The following R3HDM1 variants were observed in gnomAD, a reference collection of about 807,000 sequenced individuals.
R3HDM1 encodes the protein R3H domain containing 1, also known as R3H domain-containing protein 1.
Under a neutral mutation model 141.1 loss-of-function variants are expected in R3HDM1, and 46 were observed. That is an observed-to-expected ratio of 0.33 (90% CI 0.26 to 0.42). The LOEUF (loss-of-function observed/expected upper bound fraction) is 0.42, where lower values mean the gene tolerates loss of function less well. Ranked by LOEUF, R3HDM1 falls within the 10% of genes least tolerant of loss-of-function variation. The pLI is 1.00. For synonymous variants in R3HDM1, 435 were observed against 472.9 expected, an observed-to-expected ratio of 0.92 and a Z score of 1.04; for missense variants, 1,184 against 1,368.3, an observed-to-expected ratio of 0.87 and a Z score of 2.12.
rs534165564 is a variant in R3HDM1, at chr2:135,652,346, G to T, written c.2028+314G>T. On this transcript the variant is annotated intron_variant, in intron 18 of 26. Coordinates refer to ENST00000683871, the MANE Select transcript of R3HDM1 (RefSeq NM_001378107.1). The stretch of plus-strand genomic sequence containing the variant: ...ATCCACTGTAAAAGTAAAATGGTAA[G>T]ACTGGGCACAGTGGCTCACGCCTGT... 4.6e-5 allele frequency among the ~76,000 whole-genome samples: 7 copies of T among 152,294 alleles called. No individual in the cohort carries two copies. The East Asian group carries it at 1.4e-3, about 29-fold the overall frequency.
At chr2:135,680,705 G>A (rs1268039454) in intron 21 of R3HDM1, among the ~76,000 whole-genome samples, 2 of 152,226 alleles carry the variant, frequency 1.3e-5, no homozygotes, top group African/African-American at 2.4e-5. Context: ...GGGAGGCAGA[G>A]GTTGTAGTGA....
chr2:135,724,389 C>T lies in R3HDM1; in HGVS notation c.*97C>T. 1 of 926,692 alleles carries T rather than the reference C, an allele frequency of 1.1e-6. No individual in the cohort carries two copies. Among genetic ancestry groups the T allele is most frequent in the East Asian group, 2.7e-5 (1 of 37,702 alleles). The allele number at this position is 926,692 out of a possible 1,614,324, so 57.4% of individuals were successfully genotyped here. A position where few individuals can be genotyped will look rare whatever the true frequency, so the allele number is the denominator to read the frequency against. ...AGCTTCTGTTAACATTATAGAGACT[C>T]CTAGGATGTGTGTTCATGGCATTAT... On this transcript the variant is annotated 3_prime_UTR_variant, in exon 27 of 27. Coordinates refer to ENST00000683871, the MANE Select transcript of R3HDM1 (RefSeq NM_001378107.1).
At chr2:135,555,265 C>T (rs1473142789) in intron 1 of R3HDM1, among the ~76,000 whole-genome samples, 1 of 150,446 alleles carries the variant, frequency 6.6e-6, no homozygotes, top group Non-Finnish European at 1.5e-5. Context: ...CCACTGCACT[C>T]CAGCCTGGTG....
intron 7 of R3HDM1, chr2:135,623,151 C>G (rs905354031): frequency 3.1e-6 from 2 of 643,674 alleles, no homozygotes; most frequent in African/African-American, 4.0e-5. Flanking sequence ...ATCATCAACC[C>G]AAAGATTTTT....
chr2:135,639,771 T>G lies in R3HDM1; in HGVS notation c.1219+649T>G, dbSNP rs1377876197. 7.2e-5 allele frequency among the ~76,000 whole-genome samples: 11 copies of G among 152,278 alleles called. No individual in the cohort carries two copies. The East Asian group carries it at 2.1e-3, about 29-fold the overall frequency. On this transcript the variant is annotated intron_variant, in intron 14 of 26. Transcript: ENST00000683871. The stretch of plus-strand genomic sequence containing the variant: ...TTTAGGATCCTTGAAGATCTTTATT[T>G]TTATCCCAAAATAAGCGTGAAAGTC...
intron 25 of R3HDM1, among the ~76,000 whole-genome samples, 167 bp downstream of exon 25, chr2:135,722,173 A>G (rs1478903616): frequency 6.6e-6 from 1 of 152,232 alleles, no homozygotes; most frequent in Non-Finnish European, 1.5e-5. Context: ...AGCAGAGCAA[A>G]GGAGAAGATG....
At chr2:135,589,793 GATAATATATCTGTCACATTAT>G (rs1331950310) in intron 1 of R3HDM1, among the ~76,000 whole-genome samples, 1 of 151,592 alleles carries the variant, frequency 6.6e-6, no homozygotes, top group Non-Finnish European at 1.5e-5. Flanking sequence ...AAGTGACTTG[GATAATATATCTGTCACATTAT>G]ATAATATATA....
intron 20 of R3HDM1, among the ~76,000 whole-genome samples, chr2:135,679,240 G>C (rs7558249): frequency 2.0e-5 from 3 of 152,016 alleles, no homozygotes; most frequent in African/African-American, 7.2e-5. Context: ...TAGAGTGGTA[G>C]TACAGAATTG....
chr2:135,637,638 T>G (rs2063389838), intron 11 of R3HDM1, among the ~76,000 whole-genome samples: 2 of 152,064 alleles, frequency 1.3e-5, no homozygotes, highest in Admixed American at 1.3e-4. Context: ...ACAGAGTGAC[T>G]CTGTCTCAAA....
At position 135,631,900 on chromosome 2, in the gene R3HDM1, TAGGATGCTATTACAC is replaced by T; in HGVS notation, c.600_614del (p.Met201_Arg205del). 2 of 1,612,154 alleles carry T rather than the reference TAGGATGCTATTACAC, an allele frequency of 1.2e-6. No individual in the cohort carries two copies. Among genetic ancestry groups the T allele is most frequent in the Non-Finnish European group, 1.7e-6 (2 of 1,178,612 alleles). On this transcript the variant is annotated inframe_deletion, in exon 9 of 27. Coordinates refer to ENST00000683871, the MANE Select transcript of R3HDM1 (RefSeq NM_001378107.1). ...AATTCCCCCCAATGACATCTTACCA[TAGGATGCTATTACAC>T]AGAGTAGCCGCTTACTTTGGATTAG...
At chr2:135,678,499 G>A (rs1187612088) in intron 20 of R3HDM1, among the ~76,000 whole-genome samples, 1 of 151,548 alleles carries the variant, frequency 6.6e-6, no homozygotes, top group East Asian at 2.0e-4. Flanking sequence ...TGTAACCCCA[G>A]CACTGTAGGA....
intron 1 of R3HDM1, among the ~76,000 whole-genome samples, chr2:135,579,607 G>A (rs1706320268): frequency 6.7e-6 from 1 of 148,856 alleles, no homozygotes. Context: ...GGGGGGGGTG[G>A]AAATGGCAGA....
intron 3 of R3HDM1, among the ~76,000 whole-genome samples, chr2:135,612,233 A>G (rs369097866): frequency 2.2e-4 from 34 of 152,312 alleles, no homozygotes; most frequent in African/African-American, 7.7e-4. Flanking sequence ...GAACATTTTA[A>G]TTCATTATCT....
chr2:135,709,966 A>C, intron 22 of R3HDM1, 93 bp from the exon 23 acceptor site: 3 of 1,303,904 alleles, frequency 2.3e-6, no homozygotes, highest in Non-Finnish European at 3.2e-6. Context: ...TTTTATTCAG[A>C]AATGTAAAAT....
At chr2:135,671,273 G>A (rs754474282) in intron 19 of R3HDM1, among the ~76,000 whole-genome samples, 87 of 151,858 alleles carry the variant, frequency 5.7e-4, no homozygotes, top group Non-Finnish European at 6.2e-4. Context: ...CCAGTCTGAT[G>A]TGATTTGTAT....
At chr2:135,550,629 A>G (rs1699657399) in intron 1 of R3HDM1, among the ~76,000 whole-genome samples, 1 of 152,334 alleles carries the variant, frequency 6.6e-6, no homozygotes, top group Admixed American at 6.5e-5. Context: ...AGAAATGGCT[A>G]CTGATTAAAT....
chr2:135,651,738 C>A lies in R3HDM1; in HGVS notation c.1734C>A (p.Asn578Lys). ...ACTTCTTCCTTTTTTAGCAGGATAA[C>A]CTAGGGTCTCAGTTTAGCCACATGA... is the stretch of plus-strand genomic sequence containing the variant. ...SPTQQYSVQD[N>K]LGSQFSHMSL... The change falls in exon 18 of 27, where the codon AAC becomes AAA. Residue 578 changes from asparagine (N) to lysine (K), a missense_variant. Around this residue, in one of 5 missense-constraint regions of R3HDM1, gnomAD observed 563 missense variants for 562.0 expected, o/e 1.00. Coordinates refer to ENST00000683871, the MANE Select transcript of R3HDM1 (RefSeq NM_001378107.1). 1 of 1,608,158 alleles carries A rather than the reference C, an allele frequency of 6.2e-7. No individual in the cohort carries two copies. The highest frequency in any genetic ancestry group is 1.3e-5 in the African/African-American group (1 of 74,948).
At chr2:135,576,131 C>T (rs529712975) in intron 1 of R3HDM1, among the ~76,000 whole-genome samples, 13 of 152,110 alleles carry the variant, frequency 8.5e-5, no homozygotes, top group Admixed American at 6.6e-4. Context: ...GGCTCAGTGG[C>T]TCACATCTGT....
chr2:135,541,502 C>T (rs948472028), intron 1 of R3HDM1, among the ~76,000 whole-genome samples: 1 of 152,118 alleles, frequency 6.6e-6, no homozygotes, highest in African/African-American at 2.4e-5. Context: ...GCCACCGTGC[C>T]CAGCCAGTTG....
Sources: allele counts gnomAD v4.1 joint callset (sites outside exome capture counted in the v4.1 genomes callset), GRCh38; gene constraint gnomAD v4.1.1; regional missense constraint gnomAD v4.1.1; transcripts MANE v1.5; gene names NCBI Gene and HGNC (gene_info 2026-07-23, HGNC 2026-07-21).